PRKACB: variants seen among roughly 807,000 people sequenced by gnomAD.
PRKACB encodes the protein protein kinase cAMP-activated catalytic subunit beta.
In PRKACB, 16 loss-of-function variants were observed where a neutral mutation model predicts 51.4. The ratio of observed to expected loss-of-function variants is 0.31; its 90% confidence interval spans 0.21 to 0.47. The LOEUF (loss-of-function observed/expected upper bound fraction) is 0.47, where lower values mean the gene tolerates loss of function less well. Among genes scored for constraint, PRKACB ranks in the 20% least tolerant of loss-of-function variants. PRKACB has a pLI of 1.00. For synonymous variants in PRKACB, 147 were observed against 154.4 expected (o/e 0.95, Z 0.35); for missense variants, 309 against 464.5 (o/e 0.67, Z 3.08).
At chr1:84,190,422 A>G (rs1032569252) in intron 5 of PRKACB, among the ~76,000 whole-genome samples, 3 of 151,984 alleles carry the variant, frequency 2.0e-5, no homozygotes, top group African/African-American at 7.2e-5. Context: ...TATTAGGCAG[A>G]GTCGTTATTT....
intron 1 of PRKACB, among the ~76,000 whole-genome samples, chr1:84,173,923 C>T (rs1158402602): frequency 6.6e-6 from 1 of 151,708 alleles, no homozygotes; most frequent in African/African-American, 2.4e-5. Flanking sequence ...TCCTTATTCC[C>T]TACAAAAATA....
At chr1:84,086,873 C>T (rs1320888698) in intron 1 of PRKACB, among the ~76,000 whole-genome samples, 3 of 152,140 alleles carry the variant, frequency 2.0e-5, no homozygotes, top group South Asian at 2.1e-4. Flanking sequence ...CTGTAAGGCT[C>T]GAGGCACCTC....
At chr1:84,235,132 G>A (rs1334895046) in intron 9 of PRKACB, 48 bp from the exon 10 acceptor site, 1 of 1,564,346 alleles carries the variant, frequency 6.4e-7, no homozygotes, top group East Asian at 2.2e-5. Context: ...GAAACTCTCA[G>A]GAATTTTTTT....
intron 1 of PRKACB, among the ~76,000 whole-genome samples, chr1:84,168,618 T>A (rs368145195): frequency 1.3e-5 from 2 of 151,704 alleles, no homozygotes; most frequent in East Asian, 1.9e-4. Flanking sequence ...TTTCTGAAAT[T>A]AAAGATGGTT....
chr1:84,204,385 C>A, intron 8 of PRKACB: 1 of 929,334 alleles, frequency 1.1e-6, no homozygotes, highest in Non-Finnish European at 1.7e-6. Flanking sequence ...GAATGCAGTA[C>A]TTATTTAAAC....
chr1:84,176,558 G>A (rs1418235734), intron 1 of PRKACB, among the ~76,000 whole-genome samples: 1 of 151,318 alleles, frequency 6.6e-6, no homozygotes, highest in Admixed American at 6.6e-5. Flanking sequence ...CATCTACATA[G>A]TACACATAAA....
At chr1:84,142,224 G>A (rs1449725388), upstream of PRKACB, among the ~76,000 whole-genome samples, 1 of 152,002 alleles carries the variant, frequency 6.6e-6, no homozygotes, top group African/African-American at 2.4e-5. Flanking sequence ...TTCATAAACA[G>A]TACCTTTTAA....
chr1:84,140,415 A>C (rs1413339522), upstream of PRKACB, among the ~76,000 whole-genome samples: 1 of 152,226 alleles, frequency 6.6e-6, no homozygotes, highest in Non-Finnish European at 1.5e-5. Context: ...CTATAAGTCC[A>C]CTTATATATA....
chr1:84,184,710 G>A (rs1664584123), intron 4 of PRKACB, among the ~76,000 whole-genome samples: 2 of 151,674 alleles, frequency 1.3e-5, no homozygotes, highest in Non-Finnish European at 3.0e-5. Context: ...GAAGACCTAT[G>A]TATTTAAAAT....
intron 9 of PRKACB, among the ~76,000 whole-genome samples, chr1:84,226,248 A>G (rs969665912): frequency 1.2e-4 from 17 of 143,930 alleles, no homozygotes; most frequent in Admixed American, 4.3e-4. Context: ...TTTTGATTAG[A>G]CTTGCCAATG....
chr1:84,188,396 G>C (rs975847165), intron 5 of PRKACB, among the ~76,000 whole-genome samples: 1 of 151,334 alleles, frequency 6.6e-6, no homozygotes, highest in Non-Finnish European at 1.5e-5. Context: ...TGTATTTAAG[G>C]GTACTTGTTG....
chr1:84,136,148 A>G lies in PRKACB; in HGVS notation c.47-43029A>G, dbSNP rs140902029. On this transcript the variant is annotated intron_variant, in intron 1 of 8. Transcript: ENST00000370688. ...TATGCCCCAAAATTTGATAAATGAA[A>G]TGGACCAATTCCTACAAACTATCAA... Among the ~76,000 whole-genome samples, 189 of 152,170 alleles carry G rather than the reference A, an allele frequency of 1.2e-3. 6 individuals are homozygous for G. The highest frequency in any genetic ancestry group is 0.01 in the Middle Eastern group (3 of 294).
chr1:84,187,044 G>C (rs1383168428), intron 5 of PRKACB, among the ~76,000 whole-genome samples: 2 of 152,136 alleles, frequency 1.3e-5, no homozygotes, highest in Non-Finnish European at 2.9e-5. Context: ...CAGTGCTTTT[G>C]AACTAAAGCC....
intron 1 of PRKACB, among the ~76,000 whole-genome samples, chr1:84,105,509 A>G (rs896637162): frequency 6.6e-6 from 1 of 152,252 alleles, no homozygotes; most frequent in Admixed American, 6.5e-5. Context: ...AAAATCTACC[A>G]GAATCCTAGC....
chr1:84,151,363 G>T (rs143696273), intron 1 of PRKACB, among the ~76,000 whole-genome samples: 206 of 152,240 alleles, frequency 1.4e-3, no homozygotes, highest in African/African-American at 4.6e-3. Context: ...CTGGTGGAGG[G>T]TCTTGCATTG....
At chr1:84,110,217 A>G (rs1023172621) in intron 1 of PRKACB, among the ~76,000 whole-genome samples, 2 of 152,006 alleles carry the variant, frequency 1.3e-5, no homozygotes, top group Non-Finnish European at 2.9e-5. Context: ...ACAATACAAC[A>G]ATATGAAATA....
intron 2 of PRKACB, among the ~76,000 whole-genome samples, chr1:84,181,286 G>T (rs1003741722): frequency 6.6e-6 from 1 of 151,904 alleles, no homozygotes; most frequent in Non-Finnish European, 1.5e-5. Context: ...ACTACATACT[G>T]GGCCTTCAGA....
intron 1 of PRKACB, among the ~76,000 whole-genome samples, chr1:84,122,838 AAAT>A (rs1328895278): frequency 1.8e-4 from 28 of 152,314 alleles, no homozygotes; most frequent in Middle Eastern, 3.4e-3. Context: ...TGTATAAATA[AAAT>A]AATGTTATTG....
In PRKACB at chr1:84,185,107, C is replaced by T; in HGVS notation, c.485C>T (p.Ser162Phe). 6.8e-7 allele frequency: 1 copy of T among 1,474,502 alleles called. No homozygotes were observed. The highest frequency in any genetic ancestry group is 9.1e-7 in the Non-Finnish European group (1 of 1,101,778). 91.3% of individuals were successfully genotyped at this position (1,474,502 alleles called of 1,614,324 possible). Residue 162 changes from serine (S) to phenylalanine (F), a missense_variant, in exon 5 of 10, where the codon TCT (serine) becomes TTT (phenylalanine). This residue lies in a region of PRKACB where 153 missense variants were observed against 190.2 expected (regional missense o/e 0.80). Transcript: ENST00000370685. ...CTTTTTATTTGTTCATAGGATAATTCTAATTTATACATGGTTATGGAATAT... is the reference window on the plus strand; with the variant it reads ...CTTTTTATTTGTTCATAGGATAATTTTAATTTATACATGGTTATGGAATAT... ...VRLEYAFKDN[S>F]NLYMVMEYVP...
Sources: gnomAD v4.1 joint callset for allele counts (sites outside exome capture counted in the v4.1 genomes callset) on GRCh38, gnomAD v4.1.1 for gene constraint, gnomAD v4.1.1 regional missense constraint, MANE v1.5 for transcripts, NCBI Gene and HGNC (gene_info 2026-07-23, HGNC 2026-07-21) for gene names.